SLC35D4: variants seen among roughly 807,000 people sequenced by gnomAD.
SLC35D4 encodes the protein UDP-N-acetylglucosamine transporter SLC35D4.
chr18:23,264,197 G>A, the SLC35D4 span, among the ~76,000 whole-genome samples: 1 of 152,178 alleles, frequency 6.6e-6, no homozygotes, highest in Non-Finnish European at 1.5e-5. Context: ...AAAGAAAAGA[G>A]GCTTAATTGC....
At chr18:23,245,669 AGGCAG>A in the SLC35D4 span, among the ~76,000 whole-genome samples, 1 of 152,204 alleles carries the variant, frequency 6.6e-6, no homozygotes, top group East Asian at 1.9e-4. Context: ...AGGGCAGGCC[AGGCAG>A]GGCCTCCTTG....
chr18:23,369,669 A>T, the SLC35D4 span, among the ~76,000 whole-genome samples: 2 of 152,222 alleles, frequency 1.3e-5, no homozygotes. Context: ...TGAGACTTCC[A>T]TGCCTCTTCA....
chr18:23,293,317 A>T, the SLC35D4 span, among the ~76,000 whole-genome samples: 2 of 152,234 alleles, frequency 1.3e-5, 1 homozygote, highest in Non-Finnish European at 2.9e-5. Flanking sequence ...CCACATCTAT[A>T]AACTAAAATT....
the SLC35D4 span, chr18:23,430,531 T>C: frequency 6.9e-6 from 7 of 1,018,840 alleles, no homozygotes; most frequent in East Asian, 1.5e-4. Flanking sequence ...ATATGTCTAT[T>C]TGACAAAAAA....
At chr18:23,279,444 T>C in the SLC35D4 span, among the ~76,000 whole-genome samples, 4 of 152,202 alleles carry the variant, frequency 2.6e-5, no homozygotes, top group Admixed American at 2.0e-4. Context: ...CTGAGTGCTA[T>C]GAGTCCCCTA....
chr18:23,435,638 G>A, the SLC35D4 span, among the ~76,000 whole-genome samples: 1 of 152,232 alleles, frequency 6.6e-6, no homozygotes, highest in East Asian at 1.9e-4. Context: ...AGTAACGACC[G>A]TTTATCTTAT....
the SLC35D4 span, among the ~76,000 whole-genome samples, chr18:23,404,611 C>T: frequency 2.3e-3 from 332 of 144,132 alleles, 1 homozygote; most frequent in Non-Finnish European, 4.0e-3. Flanking sequence ...AGGCTTGCGG[C>T]GGGCCGAGTA....
At chr18:23,255,867 TAATG>T in the SLC35D4 span, among the ~76,000 whole-genome samples, 1 of 152,156 alleles carries the variant, frequency 6.6e-6, no homozygotes, top group Non-Finnish European at 1.5e-5. Context: ...GGCCAAGAAT[TAATG>T]AATCTTTTGA....
chr18:23,294,629 C>T, the SLC35D4 span, among the ~76,000 whole-genome samples: 4 of 152,000 alleles, frequency 2.6e-5, no homozygotes, highest in African/African-American at 4.8e-5. Flanking sequence ...TGGAGTGGTA[C>T]GTGCCTGTAG....
At chr18:23,283,521 G>C in the SLC35D4 span, among the ~76,000 whole-genome samples, 2 of 140,034 alleles carry the variant, frequency 1.4e-5, no homozygotes, top group African/African-American at 5.3e-5. Context: ...AGAAAGAAAA[G>C]AAAGTAGGCT....
chr18:23,345,689 A>G, the SLC35D4 span, among the ~76,000 whole-genome samples: 1 of 151,980 alleles, frequency 6.6e-6, no homozygotes, highest in African/African-American at 2.4e-5. Flanking sequence ...GCATTTCCAA[A>G]TAAATTTTAG....
the SLC35D4 span, chr18:23,371,521 T>A: frequency 1.2e-3 from 1,789 of 1,448,980 alleles, 19 homozygotes; most frequent in African/African-American, 0.023. Context: ...GCAAGGCAAA[T>A]GGAATCCAGT....
chr18:23,376,641 T>C, the SLC35D4 span, among the ~76,000 whole-genome samples: 6 of 152,274 alleles, frequency 3.9e-5, no homozygotes, highest in East Asian at 1.2e-3. Context: ...AATCCTGATA[T>C]CCTGATGGGT....
chr18:23,305,021 A>G, the SLC35D4 span, among the ~76,000 whole-genome samples: 1 of 152,226 alleles, frequency 6.6e-6, no homozygotes. Flanking sequence ...TAAATGTTGG[A>G]TATCTTATAT....
the SLC35D4 span, among the ~76,000 whole-genome samples, chr18:23,371,702 A>G: frequency 6.6e-6 from 1 of 151,602 alleles, no homozygotes; most frequent in Non-Finnish European, 1.5e-5. Context: ...CTGCCATCAC[A>G]AAGTTCAAAT....
chr18:23,401,484 T>C, the SLC35D4 span, among the ~76,000 whole-genome samples: 2 of 152,250 alleles, frequency 1.3e-5, no homozygotes, highest in African/African-American at 2.4e-5. Context: ...CCATCCTCCA[T>C]TGCAATGGAT....
the SLC35D4 span, among the ~76,000 whole-genome samples, chr18:23,266,720 T>C: frequency 6.6e-6 from 1 of 152,226 alleles, no homozygotes; most frequent in African/African-American, 2.4e-5. Context: ...AATGGGGTGA[T>C]TATGAGGCCC....
the SLC35D4 span, among the ~76,000 whole-genome samples, chr18:23,402,227 A>G: frequency 4.6e-5 from 7 of 152,354 alleles, no homozygotes; most frequent in East Asian, 7.7e-4. Context: ...AATGGCTGAC[A>G]AAACAGGTGT....
At chr18:23,409,081 G>T in the SLC35D4 span, among the ~76,000 whole-genome samples, 2 of 151,958 alleles carry the variant, frequency 1.3e-5, no homozygotes, top group East Asian at 3.9e-4. Flanking sequence ...GTTGCAGTTA[G>T]CTGAGATTGT....
Sources: gnomAD v4.1 joint callset for allele counts (sites outside exome capture counted in the v4.1 genomes callset) on GRCh38, gnomAD v4.1.1 for gene constraint, MANE v1.5 for transcripts, NCBI Gene and HGNC (gene_info 2026-07-23, HGNC 2026-07-21) for gene names.